Variants in LDB2 observed in about 807,000 individuals in gnomAD.
LDB2 encodes the protein LIM domain binding 2, also known as LIM domain-binding protein 2.
LDB2 carries 12 observed loss-of-function variants against 44.3 expected under a neutral mutation model. The observed-to-expected ratio is 0.27, with a 90% CI of 0.17 to 0.44. The LOEUF (loss-of-function observed/expected upper bound fraction) is 0.44, where lower values mean the gene tolerates loss of function less well. Ranked by LOEUF, LDB2 falls within the 20% of genes least tolerant of loss-of-function variation. The pLI is 1.00. For synonymous variants in LDB2, 164 were observed against 174.8 expected (o/e 0.94, Z 0.49); for missense variants, 344 against 473.5 (o/e 0.73, Z 2.54).
At chr4:16,592,461 CATACAT>C (rs1457727664) in intron 3 of LDB2, among the ~76,000 whole-genome samples, 1 of 66,814 alleles carries the variant, frequency 1.5e-5, no homozygotes, top group Non-Finnish European at 2.6e-5. Flanking sequence ...ATGCATTATA[CATACAT>C]ATATATATAT....
intron 1 of LDB2, 129 bp downstream of exon 1, chr4:16,898,225 G>A (rs1485004689): frequency 4.7e-6 from 4 of 859,960 alleles, no homozygotes; most frequent in Non-Finnish European, 7.1e-6. Flanking sequence ...TCATCCTGGC[G>A]CTCATTTCCA....
At chr4:16,701,266 T>A (rs917592225) in intron 2 of LDB2, among the ~76,000 whole-genome samples, 5 of 152,232 alleles carry the variant, frequency 3.3e-5, no homozygotes, top group Non-Finnish European at 5.9e-5. Context: ...TAGATAACCC[T>A]TGAGTAGACA....
At chr4:16,666,122 T>C (rs1044043495) in intron 2 of LDB2, among the ~76,000 whole-genome samples, 2 of 152,184 alleles carry the variant, frequency 1.3e-5, no homozygotes, top group East Asian at 3.8e-4. Flanking sequence ...TGTGGTACTT[T>C]GTTATAGCTG....
At chr4:16,817,521 G>A (rs1781173745) in intron 1 of LDB2, among the ~76,000 whole-genome samples, 1 of 152,154 alleles carries the variant, frequency 6.6e-6, no homozygotes, top group Admixed American at 6.5e-5. Flanking sequence ...CAAGAGACCT[G>A]GAATGTAGAG....
At chr4:16,638,640 C>T (rs1313510050) in intron 2 of LDB2, among the ~76,000 whole-genome samples, 6 of 152,090 alleles carry the variant, frequency 3.9e-5, no homozygotes, top group African/African-American at 9.7e-5. Flanking sequence ...CTTTTTATAC[C>T]GTAGATTTAA....
chr4:16,814,540 T>A (rs995914499), intron 1 of LDB2, among the ~76,000 whole-genome samples: 9 of 151,640 alleles, frequency 5.9e-5, no homozygotes, highest in Non-Finnish European at 1.2e-4. Context: ...GAGCAACCCC[T>A]GTAATCCTCC....
chr4:16,772,785 A>C (rs767824310), intron 1 of LDB2, among the ~76,000 whole-genome samples: 1 of 152,234 alleles, frequency 6.6e-6, no homozygotes, highest in Non-Finnish European at 1.5e-5. Flanking sequence ...AAATGATTCA[A>C]GAAACTGATA....
At chr4:16,654,996 C>T (rs1009890632) in intron 2 of LDB2, among the ~76,000 whole-genome samples, 9 of 152,024 alleles carry the variant, frequency 5.9e-5, no homozygotes, top group Non-Finnish European at 8.8e-5. Flanking sequence ...AAAAATTATC[C>T]TAGGGTTTAA....
intron 1 of LDB2, among the ~76,000 whole-genome samples, chr4:16,777,383 C>T (rs953318217): frequency 1.3e-5 from 2 of 151,986 alleles, no homozygotes; most frequent in African/African-American, 4.8e-5. Context: ...GAGGAAACAG[C>T]AAGTACAACA....
chr4:16,799,530 C>T (rs1294082304), intron 1 of LDB2, among the ~76,000 whole-genome samples: 1 of 152,240 alleles, frequency 6.6e-6, no homozygotes, highest in Non-Finnish European at 1.5e-5. Context: ...CCCATCCTTT[C>T]CTTTCCTTCA....
intron 5 of LDB2, among the ~76,000 whole-genome samples, chr4:16,550,274 A>T (rs1376006346): frequency 6.6e-6 from 1 of 152,170 alleles, no homozygotes; most frequent in Non-Finnish European, 1.5e-5. Flanking sequence ...CCATCTCTGC[A>T]GTTTCCTTCC....
chr4:16,870,647 AT>A (rs1716280340), intron 1 of LDB2, among the ~76,000 whole-genome samples: 1 of 151,646 alleles, frequency 6.6e-6, no homozygotes, highest in Admixed American at 6.6e-5. Flanking sequence ...TTATTTATTT[AT>A]TTTAGATGGA....
At chr4:16,524,853 C>T (rs1358417809) in intron 5 of LDB2, among the ~76,000 whole-genome samples, 1 of 152,122 alleles carries the variant, frequency 6.6e-6, no homozygotes, top group Non-Finnish European at 1.5e-5. Flanking sequence ...AGCATAGGAA[C>T]CCTTTGCAAT....
At chr4:16,698,770 T>C (rs1031951395) in intron 2 of LDB2, among the ~76,000 whole-genome samples, 2 of 152,218 alleles carry the variant, frequency 1.3e-5, no homozygotes, top group African/African-American at 2.4e-5. Flanking sequence ...TTTAAGTAAA[T>C]GCAAACTTAT....
At chr4:16,550,649 G>A (rs1272164236) in intron 5 of LDB2, among the ~76,000 whole-genome samples, 1 of 152,220 alleles carries the variant, frequency 6.6e-6, no homozygotes, top group East Asian at 1.9e-4. Context: ...TGGGCATGAT[G>A]AGGACCCACA....
intron 1 of LDB2, among the ~76,000 whole-genome samples, chr4:16,825,723 C>T (rs770264280): frequency 2.0e-5 from 3 of 151,956 alleles, no homozygotes; most frequent in Non-Finnish European, 2.9e-5. Flanking sequence ...ATCCAGAGCA[C>T]GGCCTGGGAA....
intron 5 of LDB2, among the ~76,000 whole-genome samples, chr4:16,525,737 A>G (rs1374225676): frequency 6.6e-6 from 1 of 152,236 alleles, no homozygotes; most frequent in Non-Finnish European, 1.5e-5. Context: ...AACAAAAGAT[A>G]TATACTATGT....
chr4:16,671,030 T>TA (rs1217576508), intron 2 of LDB2, among the ~76,000 whole-genome samples: 1 of 151,656 alleles, frequency 6.6e-6, no homozygotes, highest in African/African-American at 2.4e-5. Context: ...ATCTGTGCCA[T>TA]ATTCAGAAAT....
At chr4:16,700,103 A>T (rs1753118541) in intron 2 of LDB2, among the ~76,000 whole-genome samples, 1 of 152,190 alleles carries the variant, frequency 6.6e-6, no homozygotes, top group African/African-American at 2.4e-5. Flanking sequence ...CAAAATCCAG[A>T]ATGCTCCAAT....
Sources: allele counts gnomAD v4.1 joint callset (sites outside exome capture counted in the v4.1 genomes callset), GRCh38; gene constraint gnomAD v4.1.1; transcripts MANE v1.5; gene names NCBI Gene and HGNC (gene_info 2026-07-23, HGNC 2026-07-21).